TAFA4: variants seen among roughly 807,000 people sequenced by gnomAD.
TAFA4 encodes the protein TAFA chemokine like family member 4, also known as chemokine-like protein TAFA-4.
A neutral mutation model predicts 21.1 loss-of-function variants in TAFA4; 20 were observed. The ratio of observed to expected loss-of-function variants is 0.95; its 90% CI spans 0.67 to 1.38. The LOEUF is 1.38. Among genes scored for constraint, TAFA4 ranks in the 40% most tolerant of loss-of-function variants. The pLI, the probability that TAFA4 is intolerant of heterozygous loss-of-function variation, is 0.00. For missense variants in TAFA4, 211 were observed against 180.9 expected (o/e 1.17, Z -0.95); for synonymous variants, 71 against 67.4 (o/e 1.05, Z -0.26).
chr3:68,881,730 A>G (rs1456140493), intron 2 of TAFA4, among the ~76,000 whole-genome samples: 6 of 152,204 alleles, frequency 3.9e-5, no homozygotes, highest in Non-Finnish European at 1.5e-5. Flanking sequence ...CCCCTGTTTA[A>G]TATATGCAAA....
At chr3:68,882,873 C>A (rs1213890127) in intron 2 of TAFA4, 2 of 152,144 alleles carry the variant, frequency 1.3e-5, no homozygotes, top group African/African-American at 4.8e-5. Flanking sequence ...AAACGAAAGG[C>A]CCTTCAAAGC....
chr3:68,746,683 T>C (rs1702464465), intron 4 of TAFA4, among the ~76,000 whole-genome samples: 1 of 152,222 alleles, frequency 6.6e-6, no homozygotes, highest in South Asian at 2.1e-4. Context: ...GGAATCTTAC[T>C]TGTTCACACA....
At chr3:68,804,160 G>T (rs1301762754) in intron 3 of TAFA4, among the ~76,000 whole-genome samples, 2 of 151,982 alleles carry the variant, frequency 1.3e-5, no homozygotes, top group African/African-American at 4.8e-5. Context: ...GAAACATCAT[G>T]AATTCAATTC....
rs1215230694 is a variant in TAFA4 at position 68,821,439 on chromosome 3, T to A, written c.130+59291A>T. ...TCGGCTCACTGCAGGCTCCACCCCC[T>A]GGGGTTCACGCCATTCTCCTGCCTC... On this transcript the variant is annotated intron_variant, in intron 3 of 5. Coordinates refer to ENST00000295569, the MANE Select transcript of TAFA4 (RefSeq NM_182522.5). Among the ~76,000 whole-genome samples the A allele has an allele frequency of 2.2e-4, 6 of 27,010 alleles. 2 individuals carry two copies. Among genetic ancestry groups the A allele is most frequent in the Non-Finnish European group, 3.8e-4 (6 of 15,754 alleles). 17.7% of individuals were successfully genotyped at this position (27,010 alleles called of 152,430 possible). A position where few individuals can be genotyped will look rare whatever the true frequency, so the allele number is the denominator to read the frequency against.
intron 3 of TAFA4, among the ~76,000 whole-genome samples, chr3:68,843,589 T>C (rs546168693): frequency 1.3e-5 from 2 of 152,232 alleles, no homozygotes; most frequent in Admixed American, 6.5e-5. Context: ...CATCCCTGTC[T>C]TGTGCGAGTT....
chr3:68,776,894 T>C (rs1703058271), intron 3 of TAFA4, among the ~76,000 whole-genome samples: 3 of 152,084 alleles, frequency 2.0e-5, no homozygotes, highest in Admixed American at 2.0e-4. Context: ...TACTAAATAA[T>C]CATCAAGTCA....
At chr3:68,894,340 A>G (rs573749273) in intron 1 of TAFA4, among the ~76,000 whole-genome samples, 135 of 152,074 alleles carry the variant, frequency 8.9e-4, no homozygotes, top group African/African-American at 3.1e-3. Context: ...TTGTATTTTT[A>G]GTAGAGACAG....
intron 1 of TAFA4, among the ~76,000 whole-genome samples, chr3:68,917,803 T>C (rs1575672733): frequency 6.9e-6 from 1 of 145,460 alleles, no homozygotes; most frequent in Non-Finnish European, 1.5e-5. Flanking sequence ...GGTATTTACC[T>C]AGAACCAAGT....
intron 3 of TAFA4, among the ~76,000 whole-genome samples, chr3:68,866,867 A>C (rs1197929461): frequency 4.6e-5 from 7 of 151,818 alleles, no homozygotes; most frequent in Admixed American, 1.3e-4. Context: ...GAAAATATAC[A>C]GTCAGAATAG....
At chr3:68,854,840 G>T (rs1705030542) in intron 3 of TAFA4, among the ~76,000 whole-genome samples, 1 of 151,980 alleles carries the variant, frequency 6.6e-6, no homozygotes, top group East Asian at 1.9e-4. Flanking sequence ...CTGGAAAACA[G>T]ACTTGAAAAA....
chr3:68,745,380 C>T (rs1255877348), intron 4 of TAFA4, among the ~76,000 whole-genome samples: 1 of 152,130 alleles, frequency 6.6e-6, no homozygotes, highest in African/African-American at 2.4e-5. Flanking sequence ...TATCATAATA[C>T]ACTTTAAATG....
chr3:68,889,113 T>C (rs764509954), intron 1 of TAFA4, among the ~76,000 whole-genome samples: 5 of 152,232 alleles, frequency 3.3e-5, no homozygotes, highest in Non-Finnish European at 7.3e-5. Flanking sequence ...GTGTTTTCAA[T>C]GATGAAAGAC....
intron 3 of TAFA4, among the ~76,000 whole-genome samples, chr3:68,876,322 C>G (rs1250913880): frequency 6.6e-6 from 1 of 152,154 alleles, no homozygotes; most frequent in African/African-American, 2.4e-5. Context: ...AGTGTCAGAA[C>G]TTAGGCAATG....
intron 4 of TAFA4, among the ~76,000 whole-genome samples, chr3:68,741,528 C>T (rs1284166356): frequency 6.6e-6 from 1 of 152,142 alleles, no homozygotes; most frequent in East Asian, 1.9e-4. Flanking sequence ...GGTGCCGTGA[C>T]TCATGCCTGT....
chr3:68,762,629 A>G (rs1702777213), intron 3 of TAFA4, among the ~76,000 whole-genome samples: 1 of 152,236 alleles, frequency 6.6e-6, no homozygotes, highest in African/African-American at 2.4e-5. Context: ...ACATAAAACT[A>G]GTCCCCACTC....
chr3:68,753,340 T>TG (rs1053149076), intron 3 of TAFA4, among the ~76,000 whole-genome samples: 24 of 148,278 alleles, frequency 1.6e-4, no homozygotes, highest in African/African-American at 5.5e-4. Context: ...TAGAGTTTTT[T>TG]TTTTTTTTTT....
chr3:68,852,536 A>C lies in TAFA4; in HGVS notation c.130+28194T>G, dbSNP rs187761460. On this transcript the variant is annotated intron_variant, in intron 3 of 5. Coordinates refer to ENST00000295569, the MANE Select transcript of TAFA4 (RefSeq NM_182522.5). ...TGCGTAAGGTGATATACTCACCTCC[A>C]CCTGCCTGACTCCATGACTGTCTCA... Among the ~76,000 whole-genome samples, 198 of 152,252 alleles carry C rather than the reference A, an allele frequency of 1.3e-3. 2 individuals are homozygous for C. Among genetic ancestry groups the C allele is most frequent in the African/African-American group, 4.7e-3 (195 of 41,550 alleles).
At chr3:68,764,299 G>C (rs937627875) in intron 3 of TAFA4, among the ~76,000 whole-genome samples, 25 of 152,162 alleles carry the variant, frequency 1.6e-4, no homozygotes, top group African/African-American at 5.1e-4. Flanking sequence ...GCTAGGAAGA[G>C]AGCCCCCACC....
At chr3:68,885,334 A>T (rs1364851446) in intron 1 of TAFA4, 24 bp from the exon 2 acceptor site, 18 of 637,018 alleles carry the variant, frequency 2.8e-5, no homozygotes, top group Non-Finnish European at 4.9e-5. Context: ...GCCAAAAAAA[A>T]AAAAGGAATC....
Sources: gnomAD v4.1 joint callset for allele counts (sites outside exome capture counted in the v4.1 genomes callset) on GRCh38, gnomAD v4.1.1 for gene constraint, MANE v1.5 for transcripts, NCBI Gene and HGNC (gene_info 2026-07-23, HGNC 2026-07-21) for gene names.